The following GABBR2 variants were observed in gnomAD, a reference collection of about 807,000 sequenced individuals.
GABBR2 encodes the protein gamma-aminobutyric acid type B receptor subunit 2, also known as G-protein coupled receptor 51.
In GABBR2, 23 loss-of-function variants were observed where a neutral mutation model predicts 105.6. That is an observed-to-expected ratio of 0.22 (90% CI 0.16 to 0.31). GABBR2 has a LOEUF of 0.31. GABBR2 is among the 10% of genes least tolerant of loss of function. The probability of loss-of-function intolerance (pLI) is 1.00; values close to 1 mark genes in which losing one functional copy is unlikely to be tolerated. For synonymous variants in GABBR2, 478 were observed against 499.7 expected (o/e 0.96, Z 0.58); for missense variants, 734 against 1,245.5 (o/e 0.59, Z 6.18).
chr9:98,554,851 A>C (rs995452061), intron 2 of GABBR2, among the ~76,000 whole-genome samples: 1 of 152,196 alleles, frequency 6.6e-6, no homozygotes, highest in African/African-American at 2.4e-5. Flanking sequence ...AATGGGAGTA[A>C]ATTAGAGAAA....
intron 3 of GABBR2, among the ~76,000 whole-genome samples, chr9:98,531,533 A>C (rs1828067331): frequency 6.6e-6 from 1 of 150,974 alleles, no homozygotes. Context: ...AATGCTCCAG[A>C]TGTGCACACA....
chr9:98,613,411 G>A (rs1048078541), intron 1 of GABBR2, among the ~76,000 whole-genome samples: 1 of 150,504 alleles, frequency 6.6e-6, no homozygotes. Context: ...CTGCACTCCA[G>A]CCTTGGTGAC....
rs1284319894 is a variant in GABBR2 at position 98,547,163 on chromosome 9, A to C, written c.460-5120T>G. 1.7e-5 allele frequency among the ~76,000 whole-genome samples: 2 copies of C among 118,024 alleles called. 1 individual carries two copies. Among genetic ancestry groups the C allele is most frequent in the East Asian group, 7.2e-4 (2 of 2,762 alleles). 77.4% of individuals were successfully genotyped at this position (118,024 alleles called of 152,430 possible). ...TTCCCCTTATTCCTGGAATTCAAAA[A>C]AATCGCACTCTTGATTTTATTTGGG... On this transcript the variant is annotated intron_variant, in intron 2 of 18. Coordinates refer to ENST00000259455, the MANE Select transcript of GABBR2 (RefSeq NM_005458.8).
At chr9:98,663,885 A>G (rs1420081450) in intron 1 of GABBR2, among the ~76,000 whole-genome samples, 1 of 152,168 alleles carries the variant, frequency 6.6e-6, no homozygotes, top group Non-Finnish European at 1.5e-5. Flanking sequence ...ATACCCAGAC[A>G]TTTTGAGGAT....
intron 17 of GABBR2, among the ~76,000 whole-genome samples, chr9:98,294,418 T>G (rs1588084814): frequency 6.6e-6 from 1 of 152,256 alleles, no homozygotes; most frequent in East Asian, 1.9e-4. Flanking sequence ...TTACCCGGAA[T>G]TTCCACTTCT....
chr9:98,318,392 G>A (rs1830755827), intron 13 of GABBR2, among the ~76,000 whole-genome samples: 2 of 149,530 alleles, frequency 1.3e-5, no homozygotes, highest in African/African-American at 5.1e-5. Context: ...GCACACCTCT[G>A]ACACAGAGTG....
At chr9:98,568,140 G>T (rs901012639) in intron 2 of GABBR2, among the ~76,000 whole-genome samples, 1 of 152,154 alleles carries the variant, frequency 6.6e-6, no homozygotes, top group Non-Finnish European at 1.5e-5. Context: ...CAAAGGAGTG[G>T]GGGTTTGGAT....
chr9:98,656,087 G>T (rs1830179305), intron 1 of GABBR2, among the ~76,000 whole-genome samples: 1 of 152,238 alleles, frequency 6.6e-6, no homozygotes, highest in Non-Finnish European at 1.5e-5. Flanking sequence ...TGGCTGCAGG[G>T]TATGGAAGGA....
At chr9:98,349,214 T>G (rs1286284594) in intron 13 of GABBR2, among the ~76,000 whole-genome samples, 2 of 152,166 alleles carry the variant, frequency 1.3e-5, no homozygotes, top group Non-Finnish European at 2.9e-5. Flanking sequence ...ATTCTCTTAA[T>G]GCAATATATT....
intron 13 of GABBR2, among the ~76,000 whole-genome samples, chr9:98,360,265 C>A (rs1300489456): frequency 6.6e-6 from 1 of 152,164 alleles, no homozygotes; most frequent in Non-Finnish European, 1.5e-5. Flanking sequence ...TTGTGTCTGA[C>A]AGAGGAGGGT....
chr9:98,499,194 C>A (rs1428018798), intron 3 of GABBR2, among the ~76,000 whole-genome samples: 1 of 152,250 alleles, frequency 6.6e-6, no homozygotes, highest in Non-Finnish European at 1.5e-5. Flanking sequence ...ATCAAGGCTG[C>A]AGTAGCTTTG....
chr9:98,629,124 A>G (rs2131827410), intron 1 of GABBR2, among the ~76,000 whole-genome samples: 1 of 152,342 alleles, frequency 6.6e-6, no homozygotes, highest in African/African-American at 2.4e-5. Context: ...AAAACACTAA[A>G]GTTAATCTAA....
In GABBR2 at chr9:98,693,634, G is replaced by T. The variant is rs192582555; in HGVS notation, c.321+14783C>A. Among the ~76,000 whole-genome samples the T allele has an allele frequency of 1.7e-3, 262 of 152,310 alleles. 1 individual carries two copies. Among genetic ancestry groups the T allele is most frequent in the African/African-American group, 6.0e-3 (250 of 41,568 alleles). On this transcript the variant is annotated intron_variant, in intron 1 of 18. Transcript: ENST00000259455. Reference sequence around the variant, plus strand: ...ACTTGAAAGCTTCCTAAGGGGAGGGGCTTTAGAATGTCATCTGAATACGGA... The same window carrying T: ...ACTTGAAAGCTTCCTAAGGGGAGGGTCTTTAGAATGTCATCTGAATACGGA...
chr9:98,599,667 G>A (rs1344857311), intron 1 of GABBR2, among the ~76,000 whole-genome samples: 1 of 152,188 alleles, frequency 6.6e-6, no homozygotes, highest in Non-Finnish European at 1.5e-5. Flanking sequence ...TGGTGCTGAC[G>A]GGCTCTGAGC....
chr9:98,349,349 G>GTTTTTTTTTT lies in GABBR2; in HGVS notation c.1893+13356_1893+13365dup, dbSNP rs1182072320. ...TTTGCCAATATTTTGTTGAAGTTTTGTTTTTTTTTTTTTTTTTTTTTTTTT... is the reference window on the plus strand; with the variant it reads ...TTTGCCAATATTTTGTTGAAGTTTTGTTTTTTTTTTTTTTTTTTTTTTTTTTTTTTTTTTT... On this transcript the variant is annotated intron_variant, in intron 13 of 18. Coordinates refer to ENST00000259455, the MANE Select transcript of GABBR2 (RefSeq NM_005458.8). Among the ~76,000 whole-genome samples the GTTTTTTTTTT allele has an allele frequency of 5.8e-4, 14 of 24,234 alleles. 2 individuals carry two copies. The highest frequency in any genetic ancestry group is 7.4e-4 in the Admixed American group (1 of 1,350). The allele number at this position is 24,234 out of a possible 152,430, so 15.9% of individuals were successfully genotyped here.
At chr9:98,669,842 G>A (rs1331638627) in intron 1 of GABBR2, among the ~76,000 whole-genome samples, 1 of 152,066 alleles carries the variant, frequency 6.6e-6, no homozygotes, top group Non-Finnish European at 1.5e-5. Flanking sequence ...CAGGAAACCA[G>A]AAGCACACAT....
At chr9:98,676,215 T>C (rs1830475636) in intron 1 of GABBR2, among the ~76,000 whole-genome samples, 1 of 152,194 alleles carries the variant, frequency 6.6e-6, no homozygotes, top group Non-Finnish European at 1.5e-5. Context: ...GAAGGGGCCA[T>C]GTGCCAAGGA....
chr9:98,697,204 A>G (rs989232166), intron 1 of GABBR2, among the ~76,000 whole-genome samples: 3 of 152,208 alleles, frequency 2.0e-5, no homozygotes, highest in African/African-American at 7.2e-5. Context: ...CAATAAGAGC[A>G]AGGACCGCCG....
At chr9:98,514,057 T>C (rs1189253783) in intron 3 of GABBR2, among the ~76,000 whole-genome samples, 2 of 150,152 alleles carry the variant, frequency 1.3e-5, no homozygotes, top group African/African-American at 4.9e-5. Context: ...ATATACACCA[T>C]GGAATACTAT....
Sources: gnomAD v4.1 joint callset for allele counts (sites outside exome capture counted in the v4.1 genomes callset) on GRCh38, gnomAD v4.1.1 for gene constraint, MANE v1.5 for transcripts, NCBI Gene and HGNC (gene_info 2026-07-23, HGNC 2026-07-21) for gene names.